MOBP: variants seen among roughly 807,000 people sequenced by gnomAD.
MOBP encodes myelin-associated oligodendrocyte basic protein.
Under a neutral mutation model 15.0 loss-of-function variants are expected in MOBP, and 5 were observed. That is an observed-to-expected ratio of 0.33 (90% CI 0.17 to 0.70). MOBP has a LOEUF of 0.70. Among genes scored for constraint, MOBP ranks in the 30% least tolerant of loss-of-function variants. The pLI is 0.67. For synonymous variants in MOBP, 88 were observed against 99.0 expected (o/e 0.89, Z 0.66); for missense variants, 188 against 257.8 (o/e 0.73, Z 1.85).
intron 3 of MOBP, chr3:39,524,175 G>C (rs1295205869): frequency 1.3e-5 from 2 of 152,178 alleles, no homozygotes; most frequent in African/African-American, 4.8e-5. Flanking sequence ...TACAACCACT[G>C]GGGGAATAAC....
chr3:39,468,470 G>A (rs1487490311), intron 1 of MOBP, among the ~76,000 whole-genome samples: 1 of 152,156 alleles, frequency 6.6e-6, no homozygotes, highest in Non-Finnish European at 1.5e-5. Context: ...CTGCTGCCAG[G>A]TGTGCGGATA....
chr3:39,526,372 T>C (rs1481837235), downstream of MOBP: 1 of 152,248 alleles, frequency 6.6e-6, no homozygotes, highest in Non-Finnish European at 1.5e-5. Context: ...ATCAAAACTA[T>C]CTGACAATTA....
downstream of MOBP, among the ~76,000 whole-genome samples, chr3:39,519,956 T>A (rs137863674): frequency 0.012 from 1,640 of 137,264 alleles, 14 homozygotes; most frequent in African/African-American, 0.025. Context: ...GATCATGACA[T>A]CTGTTTTTTT....
chr3:39,506,225 C>T (rs1768250), downstream of MOBP, among the ~76,000 whole-genome samples: 138,397 of 152,222 alleles, frequency 0.91, 63,715 homozygotes, highest in Non-Finnish European at 0.98. Context: ...GCCCTATCCT[C>T]TTTTCTCTCT....
At chr3:39,498,403 T>G (rs2042917132) in intron 2 of MOBP, among the ~76,000 whole-genome samples, 1 of 152,148 alleles carries the variant, frequency 6.6e-6, no homozygotes, top group South Asian at 2.1e-4. Context: ...CAGGCTGGAG[T>G]GCAGTGGCGC....
chr3:39,501,417 T>C (rs1444883844), intron 2 of MOBP, among the ~76,000 whole-genome samples: 1 of 152,226 alleles, frequency 6.6e-6, no homozygotes, highest in Non-Finnish European at 1.5e-5. Flanking sequence ...CTGTTTTCAG[T>C]CTCCAGCAAG....
chr3:39,479,192 A>G (rs558166070), intron 1 of MOBP, among the ~76,000 whole-genome samples: 2 of 152,274 alleles, frequency 1.3e-5, no homozygotes, highest in East Asian at 3.9e-4. Context: ...TGTCAAGCAG[A>G]GGGGAGAAAA....
chr3:39,487,275 C>T (rs140310097), intron 2 of MOBP, among the ~76,000 whole-genome samples: 139 of 152,092 alleles, frequency 9.1e-4, no homozygotes, highest in African/African-American at 3.3e-3. Context: ...ATCACTTTTC[C>T]TTGCAAGTTA....
At position 39,502,479 on chromosome 3, in the gene MOBP, T is replaced by A. The variant is rs1171386962; in HGVS notation, c.207-56T>A. On this transcript the variant is annotated intron_variant, in intron 3 of 3. Transcript: ENST00000684792. This position sits in a 1 kb window ranked among gnomAD's most constrained non-coding sequence, Gnocchi z 6.3. The stretch of plus-strand genomic sequence containing the variant: ...TGTTTCCAGCTCCTGCCAGCGTCGC[T>A]TAAGCAGCAGAGGAGAGCCCTGGCT... 1 of 1,542,546 alleles carries A rather than the reference T, an allele frequency of 6.5e-7. No homozygotes were observed. The highest frequency in any genetic ancestry group is 8.7e-7 in the Non-Finnish European group (1 of 1,151,096).
chr3:39,500,015 G>A (rs1044993056), intron 2 of MOBP: 9 of 455,838 alleles, frequency 2.0e-5, no homozygotes, highest in Non-Finnish European at 4.0e-5. Flanking sequence ...TGCAGAGCAT[G>A]CTGGCCTTGT....
At chr3:39,515,675 C>A (rs1396992839) in exon 5 of MOBP, 1 of 152,214 alleles carries the variant, frequency 6.6e-6, no homozygotes, top group African/African-American at 2.4e-5. Context: ...CCTTGGAACT[C>A]TGTTCTTGCT....
intron 1 of MOBP, among the ~76,000 whole-genome samples, chr3:39,473,303 A>G (rs574312641): frequency 1.3e-5 from 2 of 152,326 alleles, no homozygotes; most frequent in East Asian, 3.9e-4. Context: ...TGTTTTACCC[A>G]TCACTCCCAG....
At chr3:39,520,315 C>T (rs1171358185), downstream of MOBP, among the ~76,000 whole-genome samples, 2 of 152,206 alleles carry the variant, frequency 1.3e-5, no homozygotes, top group African/African-American at 4.8e-5. Context: ...GAATCTGCTT[C>T]CTTAACTTGT....
chr3:39,468,939 T>A (rs1346745915), intron 1 of MOBP, among the ~76,000 whole-genome samples: 5 of 116,922 alleles, frequency 4.3e-5, no homozygotes, highest in Admixed American at 2.4e-4. Flanking sequence ...ATATACATTG[T>A]GTGTATATAT....
At chr3:39,478,872 C>A (rs1239584668) in intron 1 of MOBP, among the ~76,000 whole-genome samples, 1 of 151,286 alleles carries the variant, frequency 6.6e-6, no homozygotes, top group Non-Finnish European at 1.5e-5. Flanking sequence ...CTTTGTCACC[C>A]AGGCTAAAGT....
At chr3:39,522,868 T>C (rs1010308726) in intron 3 of MOBP, among the ~76,000 whole-genome samples, 11 of 152,244 alleles carry the variant, frequency 7.2e-5, no homozygotes, top group African/African-American at 2.4e-4. Flanking sequence ...GGCAAAAATA[T>C]GACTTTCTTC....
downstream of MOBP, among the ~76,000 whole-genome samples, chr3:39,504,836 T>G (rs747007756): frequency 7.2e-5 from 11 of 152,244 alleles, no homozygotes; most frequent in Non-Finnish European, 1.2e-4. Context: ...AACTTGCACA[T>G]GAAGAAAGGG....
At chr3:39,486,904 A>T (rs2042718041) in intron 2 of MOBP, among the ~76,000 whole-genome samples, 1 of 143,530 alleles carries the variant, frequency 7.0e-6, no homozygotes, top group Admixed American at 6.9e-5. Context: ...GACTATGTTT[A>T]TTGTGTCTTT....
chr3:39,479,190 A>C (rs535042109), intron 1 of MOBP, among the ~76,000 whole-genome samples: 1 of 152,258 alleles, frequency 6.6e-6, no homozygotes, highest in Admixed American at 6.5e-5. Flanking sequence ...TCTGTCAAGC[A>C]GAGGGGAGAA....
Sources: gnomAD v4.1 joint callset for allele counts (sites outside exome capture counted in the v4.1 genomes callset) on GRCh38, gnomAD v4.1.1 for gene constraint, Gnocchi (gnomAD v3.1) non-coding constraint, MANE v1.5 for transcripts, NCBI Gene and HGNC (gene_info 2026-07-23, HGNC 2026-07-21) for gene names.